GLIS3: variants seen among roughly 807,000 people sequenced by gnomAD.
The protein encoded by GLIS3 is zinc finger protein GLIS3.
In GLIS3, 53 loss-of-function variants were observed where a neutral mutation model predicts 78.6. The ratio of observed to expected loss-of-function variants is 0.67; its 90% confidence interval spans 0.54 to 0.85. GLIS3 has a LOEUF of 0.85. GLIS3 is among the 40% of genes least tolerant of loss of function. GLIS3 has a pLI of 0.00. For synonymous variants in GLIS3, 684 were observed against 509.9 expected, an observed-to-expected ratio of 1.34 and a Z score of -4.60; for missense variants, 1,703 against 1,231.1, an observed-to-expected ratio of 1.38 and a Z score of -5.74.
chr9:4,406,501 G>A, the GLIS3 span, among the ~76,000 whole-genome samples: 1 of 152,068 alleles, frequency 6.6e-6, no homozygotes, highest in Non-Finnish European at 1.5e-5. Flanking sequence ...TGTATTTTCA[G>A]TAGAGAAGGG....
chr9:4,289,036 A>G (rs981886335), intron 1 of GLIS3, among the ~76,000 whole-genome samples: 1 of 152,194 alleles, frequency 6.6e-6, no homozygotes, highest in African/African-American at 2.4e-5. Context: ...TGATGAAGAT[A>G]TAATCCTAAG....
At chr9:4,478,619 C>A in the GLIS3 span, among the ~76,000 whole-genome samples, 12 of 145,178 alleles carry the variant, frequency 8.3e-5, no homozygotes, top group African/African-American at 2.9e-4. Context: ...AAAAAAAAAA[C>A]ATCAGTAGTC....
At chr9:3,897,924 C>G (rs904866079) in intron 7 of GLIS3, among the ~76,000 whole-genome samples, 2 of 152,148 alleles carry the variant, frequency 1.3e-5, no homozygotes, top group Admixed American at 1.3e-4. Flanking sequence ...TTCTCATTGT[C>G]TGGAATGTGG....
chr9:4,185,641 A>G (rs1014256114), intron 2 of GLIS3, among the ~76,000 whole-genome samples: 3 of 152,208 alleles, frequency 2.0e-5, no homozygotes, highest in African/African-American at 7.2e-5. Context: ...ACTAAATATA[A>G]AGGTAATGGC....
At chr9:3,945,717 T>G (rs1474143620) in intron 4 of GLIS3, among the ~76,000 whole-genome samples, 1 of 152,220 alleles carries the variant, frequency 6.6e-6, no homozygotes, top group Non-Finnish European at 1.5e-5. Context: ...ATGACTTTAG[T>G]TTCTCCAAAT....
chr9:4,329,327 A>T (rs947013366), intron 2 of GLIS3, among the ~76,000 whole-genome samples: 2 of 152,132 alleles, frequency 1.3e-5, no homozygotes, highest in African/African-American at 4.8e-5. Flanking sequence ...TTTCTCTGTT[A>T]GCTTGTTTCC....
chr9:3,994,093 A>C (rs941419413), intron 4 of GLIS3, among the ~76,000 whole-genome samples: 1 of 152,098 alleles, frequency 6.6e-6, no homozygotes, highest in East Asian at 1.9e-4. Context: ...CATTTTTTAA[A>C]AGTTCCATGG....
intron 4 of GLIS3, among the ~76,000 whole-genome samples, chr9:4,115,922 C>T (rs1357148087): frequency 6.6e-6 from 1 of 152,138 alleles, no homozygotes; most frequent in East Asian, 1.9e-4. Context: ...GAAATCATCT[C>T]CCATACCCAT....
At chr9:4,417,561 C>T in the GLIS3 span, among the ~76,000 whole-genome samples, 3,392 of 152,224 alleles carry the variant, frequency 0.022, 46 homozygotes, top group Non-Finnish European at 0.032. Context: ...TTTGTAATGT[C>T]AACCAATGTT....
At chr9:4,411,814 TCTC>T in the GLIS3 span, among the ~76,000 whole-genome samples, 3 of 152,168 alleles carry the variant, frequency 2.0e-5, no homozygotes, top group Non-Finnish European at 2.9e-5. Context: ...GCAATCCTCT[TCTC>T]CTACAAGCTT....
At chr9:3,891,831 G>A (rs1420524313) in intron 7 of GLIS3, among the ~76,000 whole-genome samples, 1 of 152,174 alleles carries the variant, frequency 6.6e-6, no homozygotes, top group Non-Finnish European at 1.5e-5. Context: ...TAGGGTAGCT[G>A]ATGCATCGCA....
At chr9:4,440,401 A>G in the GLIS3 span, among the ~76,000 whole-genome samples, 3 of 152,108 alleles carry the variant, frequency 2.0e-5, no homozygotes, top group Non-Finnish European at 4.4e-5. Flanking sequence ...CTGCCTGTGG[A>G]TATCCTGTTT....
rs1036104513 is a variant in GLIS3 at position 3,826,051 on chromosome 9, T to C, written c.*2221A>G. The C allele has an allele frequency of 2.0e-5, 3 of 152,180 alleles. No individual in the cohort carries two copies. The highest frequency in any genetic ancestry group is 6.5e-5 in the Admixed American group (1 of 15,280). The allele number at this position is 152,180 out of a possible 1,614,324, so 9.4% of individuals were successfully genotyped here. A position where few individuals can be genotyped will look rare whatever the true frequency, so the allele number is the denominator to read the frequency against. ...CAGCTCCTCTCAAAGAGGGAGGTGA[T>C]GTCCATGGTTTCTAAAGTTGAGCTT... is the stretch of plus-strand genomic sequence containing the variant. On this transcript the variant is annotated 3_prime_UTR_variant, in exon 11 of 11. Transcript: ENST00000381971.
In GLIS3 at chr9:4,200,610, G is replaced by A. The variant is rs551539462; in HGVS notation, c.389-74669C>T. ...CAATCTGCCAAAATTGAAACAGGAA[G>A]AAATTAAAACCCTGAACAGACCAAT... is the stretch of plus-strand genomic sequence containing the variant. On this transcript the variant is annotated intron_variant, in intron 2 of 10. Coordinates refer to ENST00000381971, the MANE Select transcript of GLIS3 (RefSeq NM_001042413.2). 1.3e-4 allele frequency among the ~76,000 whole-genome samples: 20 copies of A among 152,064 alleles called. 1 individual carries two copies. The highest frequency in any genetic ancestry group is 4.1e-4 in the African/African-American group (17 of 41,488).
At chr9:4,364,708 C>A in the GLIS3 span, among the ~76,000 whole-genome samples, 1 of 80,240 alleles carries the variant, frequency 1.2e-5, no homozygotes, top group Admixed American at 1.3e-4. Context: ...TTTTATTACA[C>A]TTTATATATA....
At chr9:4,019,041 G>A (rs958686005) in intron 4 of GLIS3, among the ~76,000 whole-genome samples, 5 of 152,190 alleles carry the variant, frequency 3.3e-5, no homozygotes, top group Non-Finnish European at 1.5e-5. Context: ...GGTGACGTGA[G>A]TCAAGCACCT....
At chr9:4,204,965 G>T (rs1819734095) in intron 2 of GLIS3, among the ~76,000 whole-genome samples, 1 of 150,976 alleles carries the variant, frequency 6.6e-6, no homozygotes, top group African/African-American at 2.4e-5. Flanking sequence ...ATCACCTCAG[G>T]TCAAGAGTTT....
chr9:3,855,924 G>C (rs191695967), intron 9 of GLIS3, 85 bp downstream of exon 9: 32 of 1,451,948 alleles, frequency 2.2e-5, no homozygotes, highest in Admixed American at 1.8e-4. Flanking sequence ...CAGAGCATCT[G>C]AAATCCACGA....
At chr9:3,855,089 G>C (rs770286417) in intron 9 of GLIS3, among the ~76,000 whole-genome samples, 1 of 152,168 alleles carries the variant, frequency 6.6e-6, no homozygotes, top group Non-Finnish European at 1.5e-5. Flanking sequence ...TGCTTATACA[G>C]ATCTGATTGC....
Sources: allele counts gnomAD v4.1 joint callset (sites outside exome capture counted in the v4.1 genomes callset), GRCh38; gene constraint gnomAD v4.1.1; transcripts MANE v1.5; gene names NCBI Gene and HGNC (gene_info 2026-07-23, HGNC 2026-07-21).